CUBN: variants seen among roughly 807,000 people sequenced by gnomAD.
CUBN encodes the protein 460 kDa receptor.
CUBN carries 282 observed loss-of-function variants against 405.3 expected under a neutral mutation model. That is an observed-to-expected ratio of 0.70 (90% CI 0.63 to 0.77). The LOEUF (loss-of-function observed/expected upper bound fraction) is 0.77. Among genes scored for constraint, CUBN ranks in the 30% least tolerant of loss-of-function variants. CUBN has a pLI of 0.00. For synonymous variants in CUBN, 1,684 were observed against 1,617.0 expected, an observed-to-expected ratio of 1.04 and a Z score of -0.99; for missense variants, 4,514 against 4,475.2, an observed-to-expected ratio of 1.01 and a Z score of -0.25.
chr10:16,901,376 AGCAGTGGGTCAG>A lies in CUBN; in HGVS notation c.8134_8145del (p.Leu2712_Cys2715del). Reference sequence around the variant, plus strand: ...CCTTGTGGGGCCTCCAACAGCGAAGAGCAGTGGGTCAGGCTGTCATAAGCATTTGGATAGTTG... The same window carrying A: ...CCTTGTGGGGCCTCCAACAGCGAAGAGCTGTCATAAGCATTTGGATAGTTG... On this transcript the variant is annotated inframe_deletion, in exon 52 of 67. Coordinates refer to ENST00000377833, the MANE Select transcript of CUBN (RefSeq NM_001081.4). 1 of 1,614,122 alleles carries A rather than the reference AGCAGTGGGTCAG, an allele frequency of 6.2e-7. No homozygotes were observed. Among genetic ancestry groups the A allele is most frequent in the Non-Finnish European group, 8.5e-7 (1 of 1,179,984 alleles).
intron 17 of CUBN, among the ~76,000 whole-genome samples, chr10:17,072,778 A>G (rs1419276727): frequency 6.6e-6 from 1 of 152,196 alleles, no homozygotes; most frequent in Non-Finnish European, 1.5e-5. Context: ...TGAAAATGAC[A>G]AAGACACAGA....
At chr10:16,892,003 A>G (rs538997087) in intron 54 of CUBN, among the ~76,000 whole-genome samples, 16 of 152,208 alleles carry the variant, frequency 1.1e-4, no homozygotes, top group Non-Finnish European at 1.9e-4. Context: ...ATGGAATGAT[A>G]CCAAATTACT....
intron 14 of CUBN, among the ~76,000 whole-genome samples, chr10:17,098,104 A>T (rs1292489199): frequency 6.6e-6 from 1 of 152,180 alleles, no homozygotes; most frequent in African/African-American, 2.4e-5. Context: ...CTATTCTAAG[A>T]CAAACTTTTT....
intron 28 of CUBN, among the ~76,000 whole-genome samples, chr10:16,992,774 T>C (rs1473470954): frequency 6.6e-6 from 1 of 152,244 alleles, no homozygotes; most frequent in Non-Finnish European, 1.5e-5. Context: ...ATCTTTCCTG[T>C]GTCCTAAAAA....
chr10:16,996,384 GT>G (rs1378957820), intron 28 of CUBN, among the ~76,000 whole-genome samples: 2 of 152,178 alleles, frequency 1.3e-5, no homozygotes, highest in Non-Finnish European at 2.9e-5. Context: ...CCGAAAGGAA[GT>G]GCTTGCTTTA....
chr10:16,937,778 C>T lies in CUBN; in HGVS notation c.5740G>A (p.Asp1914Asn), dbSNP rs1842557051. Residue 1914 changes from aspartate to asparagine, a missense_variant, in exon 39 of 67, where the codon GAT (aspartate) becomes AAT (asparagine). Asp to Asn is a conservative substitution (Grantham distance 23, BLOSUM62 1). This residue lies in a region of CUBN where 1,613 missense variants were observed against 1,542.8 expected (regional missense o/e 1.05). Coordinates refer to ENST00000377833, the MANE Select transcript of CUBN (RefSeq NM_001081.4). ...NCYYDKLRIY[D>N]GPSIHARLIG... is the part of the protein sequence containing the mutation. ...AGGCGGGCGTGAATGCTAGGCCCAT[C>T]ATAGATCTGTACATAAAAACAGATA... 6.2e-7 allele frequency: 1 copy of T among 1,613,634 alleles called. No individual in the cohort carries two copies. Among genetic ancestry groups the T allele is most frequent in the South Asian group, 1.1e-5 (1 of 91,076 alleles).
At position 17,045,081 on chromosome 10, in the gene CUBN, C is replaced by T. The variant is rs762516302; in HGVS notation, c.3598G>A (p.Gly1200Ser). The T allele has an allele frequency of 6.2e-6, 10 of 1,614,006 alleles. No homozygotes were observed. Among genetic ancestry groups the T allele is most frequent in the East Asian group, 2.2e-5 (1 of 44,874 alleles). The change falls in exon 25 of 67, where the codon GGC becomes AGC. Residue 1200 changes from glycine to serine, a missense_variant. By Grantham distance (56) the Gly-to-Ser change is moderately conservative. Around this residue, in one of 5 missense-constraint regions of CUBN, gnomAD observed 242 missense variants for 309.0 expected, o/e 0.78. Transcript: ENST00000377833. ...ECYWWLKSSH[G>S]SAFELEFKDF... The stretch of plus-strand genomic sequence containing the variant: ...TTGAATTCCAGTTCAAATGCGCTGC[C>T]GTGGCTAGATTTCAACCACCAGTAG...
At chr10:17,064,968 T>C (rs563957297) in intron 22 of CUBN, among the ~76,000 whole-genome samples, 12 of 152,360 alleles carry the variant, frequency 7.9e-5, no homozygotes, top group African/African-American at 2.9e-4. Flanking sequence ...TACATTGTTA[T>C]TCTGTTTCTA....
At chr10:17,101,360 G>A (rs1295240049) in intron 13 of CUBN, among the ~76,000 whole-genome samples, 2 of 151,782 alleles carry the variant, frequency 1.3e-5, no homozygotes, top group African/African-American at 2.4e-5. Flanking sequence ...TCAAAAGAAT[G>A]TTTTCAATGC....
Position 16,928,228 on chromosome 10 carries a change from T to C in CUBN, c.6200A>G (p.Glu2067Gly). 1 of 1,613,996 alleles carries C rather than the reference T, an allele frequency of 6.2e-7. No individual in the cohort carries two copies. Among genetic ancestry groups the C allele is most frequent in the Non-Finnish European group, 8.5e-7 (1 of 1,179,892 alleles). The part of the protein sequence containing the change: ...EIPGPIRSTG[E>G]YMFIRFTSDS... ...CGAGGTGAAGCGGATGAACATGTAC[T>C]CTCCAGTAGACCGGATGGGCCCAGG... is the stretch of plus-strand genomic sequence containing the variant. Residue 2067 changes from glutamate to glycine, a missense_variant, in exon 41 of 67, where the codon GAG (glutamate) becomes GGG (glycine). By Grantham distance (98) the Glu-to-Gly change is moderately conservative. Around this residue, in one of 5 missense-constraint regions of CUBN, gnomAD observed 1,613 missense variants for 1,542.8 expected, o/e 1.05. Coordinates refer to ENST00000377833, the MANE Select transcript of CUBN (RefSeq NM_001081.4).
rs747301540 is a variant in CUBN, at chr10:17,109,722, G to A, written c.1029C>T (p.Asp343=). 8.7e-6 allele frequency: 14 copies of A among 1,613,416 alleles called. No individual in the cohort carries two copies. Among genetic ancestry groups the A allele is most frequent in the Middle Eastern group, 1.7e-4 (1 of 5,932 alleles). Residue 343 remains aspartate (D), a synonymous_variant, in exon 10 of 67, where the codon GAC becomes GAT. Coordinates refer to ENST00000377833, the MANE Select transcript of CUBN (RefSeq NM_001081.4). ...CQACPPGYQG[D]GRVCTLTDIC... is the part of the protein sequence containing the mutation. ...TGTCTGTGAGTGTGCACACTCTTCC[G>A]TCACCCTGGTACCCTGATGAGAACA...
intron 20 of CUBN, 116 bp downstream of exon 20, chr10:17,068,489 G>C (rs1164138540): frequency 8.1e-6 from 8 of 981,928 alleles, no homozygotes; most frequent in African/African-American, 1.7e-5. Flanking sequence ...CTTTGTCTTT[G>C]AGTGTACTTT....
intron 56 of CUBN, among the ~76,000 whole-genome samples, chr10:16,887,015 C>T (rs1429727437): frequency 1.3e-5 from 2 of 152,142 alleles, no homozygotes; most frequent in African/African-American, 2.4e-5. Flanking sequence ...CTCGAACTCC[C>T]GACCTCAGGT....
intron 60 of CUBN, 73 bp from the exon 61 acceptor site, chr10:16,841,120 G>T: frequency 7.3e-7 from 1 of 1,372,326 alleles, no homozygotes; most frequent in Non-Finnish European, 1.0e-6. Context: ...AATTGGACGC[G>T]AAGTTGCAAT....
In CUBN at chr10:16,990,198, G is replaced by A. The variant is rs1052757588; in HGVS notation, c.4350+136C>T. 1.2e-5 allele frequency: 11 copies of A among 883,314 alleles called. No individual in the cohort carries two copies. The East Asian group carries it at 1.7e-4, about 14-fold the overall frequency. The allele number at this position is 883,314 out of a possible 1,614,324, so 54.7% of individuals were successfully genotyped here. ...ATCCCATGTCTACCAAATGATCACC[G>A]AAGGGCTGATGCTCATTAAAATGTC... On this transcript the variant is annotated intron_variant, in intron 29 of 66. Transcript: ENST00000377833.
chr10:16,948,450 G>T lies in CUBN; in HGVS notation c.5209+28C>A, dbSNP rs187014387. ...AATTTCTACCACATCCCTTTTAACCGCTAGAGTCAGGTGCTAGGGTTTCTT... is the reference window on the plus strand; with the variant it reads ...AATTTCTACCACATCCCTTTTAACCTCTAGAGTCAGGTGCTAGGGTTTCTT... On this transcript the variant is annotated intron_variant, in intron 35 of 66. Transcript: ENST00000377833. 99 of 1,613,016 alleles carry T rather than the reference G, an allele frequency of 6.1e-5. 1 individual carries two copies. In the East Asian group the frequency reaches 2.1e-3, roughly 34 times the overall value.
chr10:17,101,398 T>C (rs1282617186), intron 13 of CUBN, among the ~76,000 whole-genome samples: 2 of 152,098 alleles, frequency 1.3e-5, no homozygotes, highest in African/African-American at 4.8e-5. Flanking sequence ...GAAAACTAAA[T>C]GGAAGGAAGG....
At chr10:17,112,151 T>C (rs1271833394) in intron 8 of CUBN, among the ~76,000 whole-genome samples, 1 of 152,194 alleles carries the variant, frequency 6.6e-6, no homozygotes, top group Admixed American at 6.5e-5. Flanking sequence ...ATTAAAATTA[T>C]AAGAATTCTT....
chr10:17,065,398 C>A, intron 22 of CUBN, 110 bp downstream of exon 22: 1 of 1,369,348 alleles, frequency 7.3e-7, no homozygotes, highest in East Asian at 2.3e-5. Context: ...AAATATAGCT[C>A]TCATTGTGTG....
Sources: allele counts gnomAD v4.1 joint callset (sites outside exome capture counted in the v4.1 genomes callset), GRCh38; gene constraint gnomAD v4.1.1; regional missense constraint gnomAD v4.1.1; transcripts MANE v1.5; gene names NCBI Gene and HGNC (gene_info 2026-07-23, HGNC 2026-07-21).